Variants in XKR6 observed in about 807,000 individuals in gnomAD.
XKR6 encodes the protein XK-related protein 6.
A neutral mutation model predicts 56.7 loss-of-function variants in XKR6; 22 were observed. That is an observed-to-expected ratio of 0.39 (90% CI 0.28 to 0.55). The LOEUF is 0.55. Ranked by LOEUF, XKR6 falls within the 20% of genes least tolerant of loss-of-function variation. The pLI is 0.66. For synonymous variants in XKR6, 524 were observed against 387.8 expected (o/e 1.35, Z -4.13); for missense variants, 852 against 889.0 (o/e 0.96, Z 0.53).
chr8:11,069,489 C>G (rs1307396216), intron 1 of XKR6, among the ~76,000 whole-genome samples: 1 of 152,134 alleles, frequency 6.6e-6, no homozygotes, highest in Non-Finnish European at 1.5e-5. Flanking sequence ...CATGGCTGTG[C>G]CCCCTGTCTG....
chr8:11,086,374 C>G (rs28719598), intron 1 of XKR6, among the ~76,000 whole-genome samples: 3 of 151,900 alleles, frequency 2.0e-5, no homozygotes, highest in Non-Finnish European at 4.4e-5. Flanking sequence ...AGGATGTGCC[C>G]GGCACACAGT....
chr8:10,999,942 G>T (rs1327924802), intron 1 of XKR6, among the ~76,000 whole-genome samples: 1 of 152,200 alleles, frequency 6.6e-6, no homozygotes, highest in African/African-American at 2.4e-5. Flanking sequence ...AGAAATATGG[G>T]CAAGGAAGGT....
chr8:11,110,699 T>C (rs898802479), intron 1 of XKR6, among the ~76,000 whole-genome samples: 5 of 152,216 alleles, frequency 3.3e-5, no homozygotes, highest in African/African-American at 7.2e-5. Context: ...GAAAAAAAGA[T>C]AGCCGCTCGA....
At chr8:11,179,631 A>C (rs528303966) in intron 1 of XKR6, among the ~76,000 whole-genome samples, 1 of 152,214 alleles carries the variant, frequency 6.6e-6, no homozygotes, top group Admixed American at 6.5e-5. Flanking sequence ...GGACTCCTCC[A>C]CCTTCCAATG....
rs373176817 is a variant in XKR6 at position 11,119,987 on chromosome 8, G to C, written c.764+80589C>G. On this transcript the variant is annotated intron_variant, in intron 1 of 2. Transcript: ENST00000416569. ...AAGGCCTTTGACAAAATTCAACAACGCTTCATGCTAAAAACTCTCAATAAA... is the reference window on the plus strand; with the variant it reads ...AAGGCCTTTGACAAAATTCAACAACCCTTCATGCTAAAAACTCTCAATAAA... 3.7e-3 allele frequency among the ~76,000 whole-genome samples: 569 copies of C among 152,084 alleles called. 1 individual carries two copies. Among genetic ancestry groups the C allele is most frequent in the Non-Finnish European group, 7.0e-3 (478 of 67,988 alleles).
At chr8:11,171,188 C>A (rs1361852762) in intron 1 of XKR6, among the ~76,000 whole-genome samples, 1 of 152,262 alleles carries the variant, frequency 6.6e-6, no homozygotes, top group African/African-American at 2.4e-5. Context: ...GTCCACCACA[C>A]AGCCGACCTG....
At chr8:10,925,925 G>T (rs1403460738) in intron 1 of XKR6, among the ~76,000 whole-genome samples, 1 of 152,100 alleles carries the variant, frequency 6.6e-6, no homozygotes, top group African/African-American at 2.4e-5. Context: ...TTGTGGACAG[G>T]GCTCACCCAG....
intron 1 of XKR6, chr8:11,108,188 T>C: frequency 2.3e-6 from 1 of 439,712 alleles, no homozygotes; most frequent in Non-Finnish European, 4.5e-6. Flanking sequence ...AAATGTCCAC[T>C]ACACTTATAA....
Position 11,200,322 on chromosome 8 carries a change from G to T in XKR6, c.764+254C>A, listed in dbSNP as rs926006659. ...CAGAGGGGACGGGGAGGGCAGGTTG[G>T]GGCAAGAGCCCCGCCGAGTGCGAAG... On this transcript the variant is annotated intron_variant, in intron 1 of 2. Coordinates refer to ENST00000416569, the MANE Select transcript of XKR6 (RefSeq NM_173683.4). The surrounding 1 kb of genome is among the most constrained non-coding windows in gnomAD (Gnocchi z 6.4). 6.6e-6 allele frequency among the ~76,000 whole-genome samples: 1 copy of T among 152,230 alleles called. No individual in the cohort carries two copies. The highest frequency in any genetic ancestry group is 1.5e-5 in the Non-Finnish European group (1 of 68,032).
chr8:11,147,564 G>A (rs1332102339), intron 1 of XKR6, among the ~76,000 whole-genome samples: 3 of 151,068 alleles, frequency 2.0e-5, no homozygotes, highest in Non-Finnish European at 4.4e-5. Context: ...GCTGAGACAG[G>A]AGAATCACTT....
At chr8:10,922,693 C>T (rs1343404050) in intron 2 of XKR6, among the ~76,000 whole-genome samples, 2 of 152,308 alleles carry the variant, frequency 1.3e-5, no homozygotes, top group African/African-American at 2.4e-5. Context: ...CACACCAGTT[C>T]GTTGCCAAGC....
chr8:10,901,105 G>A (rs944141275), intron 2 of XKR6, among the ~76,000 whole-genome samples: 1 of 147,556 alleles, frequency 6.8e-6, no homozygotes, highest in African/African-American at 2.5e-5. Flanking sequence ...ACCCAGGCTG[G>A]AGTGCAGTGG....
intron 1 of XKR6, among the ~76,000 whole-genome samples, chr8:10,954,864 C>CCCTTTTTTTTTTTTTT (rs1801829790): frequency 1.7e-5 from 1 of 60,010 alleles, no homozygotes; most frequent in Non-Finnish European, 3.2e-5. Context: ...TAACTTCATT[C>CCCTTTTTTTTTTTTTT]TCTTTTTTTT....
At chr8:11,122,714 T>G (rs1042346667) in intron 1 of XKR6, among the ~76,000 whole-genome samples, 1 of 152,246 alleles carries the variant, frequency 6.6e-6, no homozygotes, top group African/African-American at 2.4e-5. Flanking sequence ...ATGGTCTGTT[T>G]ACCATTGGTA....
chr8:10,954,661 T>C (rs551182417), intron 1 of XKR6, among the ~76,000 whole-genome samples: 2 of 152,198 alleles, frequency 1.3e-5, no homozygotes, highest in South Asian at 4.1e-4. Flanking sequence ...TTAATTTTGA[T>C]GAAGTCTTAT....
At position 10,971,335 on chromosome 8, in the gene XKR6, G is replaced by A. The variant is rs549409334; in HGVS notation, c.765-46505C>T. Among the ~76,000 whole-genome samples the A allele has an allele frequency of 5.9e-5, 9 of 152,004 alleles. No homozygotes were observed. The South Asian group carries it at 1.9e-3, about 32-fold the overall frequency. ...ACTCGGGAGGCTGAGGCAGGAGAAT[G>A]GCGTGAACCCAGGAGGCGGAGCTTG... On this transcript the variant is annotated intron_variant, in intron 1 of 2. Coordinates refer to ENST00000416569, the MANE Select transcript of XKR6 (RefSeq NM_173683.4).
At chr8:11,004,882 G>A (rs1206401502) in intron 1 of XKR6, among the ~76,000 whole-genome samples, 1 of 152,168 alleles carries the variant, frequency 6.6e-6, no homozygotes, top group African/African-American at 2.4e-5. Context: ...TCTGGCCCAT[G>A]CTACAACATG....
At chr8:11,071,598 G>C (rs1280054896) in intron 1 of XKR6, among the ~76,000 whole-genome samples, 4 of 146,134 alleles carry the variant, frequency 2.7e-5, no homozygotes, top group African/African-American at 1.0e-4. Context: ...TGAGCCCCGA[G>C]TCTATCAGCC....
chr8:11,160,861 G>A (rs1247861291), intron 1 of XKR6, among the ~76,000 whole-genome samples: 5 of 131,106 alleles, frequency 3.8e-5, no homozygotes, highest in South Asian at 4.8e-4. Context: ...GCAGTGAGCC[G>A]AGATCACACC....
Sources: allele counts gnomAD v4.1 joint callset (sites outside exome capture counted in the v4.1 genomes callset), GRCh38; gene constraint gnomAD v4.1.1; non-coding constraint Gnocchi (gnomAD v3.1); transcripts MANE v1.5; gene names NCBI Gene and HGNC (gene_info 2026-07-23, HGNC 2026-07-21).